The following SPIDR variants were observed in gnomAD, a reference collection of about 807,000 sequenced individuals.
SPIDR encodes scaffold protein involved in DNA repair.
SPIDR carries 93 observed loss-of-function variants against 104.6 expected under a neutral mutation model. That is an observed-to-expected ratio of 0.89 (90% CI 0.75 to 1.06). SPIDR has a LOEUF of 1.06. SPIDR is among the 50% of genes least tolerant of loss of function. The probability of loss-of-function intolerance (pLI) is 0.00; values close to 1 mark genes in which losing one functional copy is unlikely to be tolerated. For missense variants in SPIDR, 1,154 were observed against 1,111.2 expected (o/e 1.04, Z -0.55); for synonymous variants, 431 against 416.9 (o/e 1.03, Z -0.41).
At chr8:47,607,161 G>T (rs1426766343) in intron 10 of SPIDR, among the ~76,000 whole-genome samples, 1 of 152,144 alleles carries the variant, frequency 6.6e-6, no homozygotes, top group African/African-American at 2.4e-5. Flanking sequence ...CCTTTTCAAT[G>T]ATTTGAATAT....
At chr8:47,294,090 T>C (rs2040405151) in intron 5 of SPIDR, 60 bp downstream of exon 5, 4 of 1,541,152 alleles carry the variant, frequency 2.6e-6, no homozygotes, top group Non-Finnish European at 1.7e-6. Flanking sequence ...ATCATAGTTG[T>C]CATTTTTTTT....
At position 47,571,656 on chromosome 8, in the gene SPIDR, A is replaced by T. The variant is rs150167845; in HGVS notation, c.1098-24155A>T. 4.5e-4 allele frequency among the ~76,000 whole-genome samples: 69 copies of T among 152,324 alleles called. 1 individual carries two copies. In the East Asian group the frequency reaches 9.0e-3, roughly 20 times the overall value. ...ACTAGTGCCGCCTTATTCAAGGAGG[A>T]TATATTCCAATACCTCCAGTGGATA... On this transcript the variant is annotated intron_variant, in intron 8 of 19. Transcript: ENST00000297423.
In SPIDR at chr8:47,567,932, G is replaced by A. The variant is rs764845557; in HGVS notation, c.1098-27879G>A. Among the ~76,000 whole-genome samples the A allele has an allele frequency of 8.1e-4, 123 of 151,666 alleles. 1 individual carries two copies. The highest frequency in any genetic ancestry group is 3.5e-4 in the Non-Finnish European group (24 of 67,914). The stretch of plus-strand genomic sequence containing the variant: ...CCCAAGTAGCTGGGACCATAGGCAT[G>A]TGCCACCACACCTAGAAATGTTTAA... On this transcript the variant is annotated intron_variant, in intron 8 of 19. Transcript: ENST00000297423.
At chr8:47,360,776 T>C in intron 5 of SPIDR, 3 of 950,472 alleles carry the variant, frequency 3.2e-6, no homozygotes, top group Non-Finnish European at 3.8e-6. Context: ...AGTGAAAAAG[T>C]CTGTGGGGCA....
intron 14 of SPIDR, among the ~76,000 whole-genome samples, chr8:47,706,581 C>G (rs1480837220): frequency 2.0e-5 from 3 of 152,180 alleles, no homozygotes; most frequent in Non-Finnish European, 4.4e-5. Flanking sequence ...TGTGCCATCA[C>G]CAACGATTCC....
intron 5 of SPIDR, among the ~76,000 whole-genome samples, chr8:47,331,443 G>A (rs1343296749): frequency 6.6e-6 from 1 of 152,114 alleles, no homozygotes; most frequent in Non-Finnish European, 1.5e-5. Flanking sequence ...GGATACTGTA[G>A]ACAATTGGAA....
chr8:47,465,596 G>C (rs371003115), intron 8 of SPIDR, among the ~76,000 whole-genome samples: 2 of 152,146 alleles, frequency 1.3e-5, no homozygotes, highest in Admixed American at 1.3e-4. Flanking sequence ...TTAGCTGGGC[G>C]TGGTGACATA....
At chr8:47,476,011 T>G (rs1482954338) in intron 8 of SPIDR, among the ~76,000 whole-genome samples, 1 of 152,244 alleles carries the variant, frequency 6.6e-6, no homozygotes, top group African/African-American at 2.4e-5. Context: ...TTTGAGGTTT[T>G]TCTTACAGAA....
chr8:47,269,579 A>AG (rs1159490102), intron 1 of SPIDR, among the ~76,000 whole-genome samples: 2 of 151,954 alleles, frequency 1.3e-5, no homozygotes, highest in Admixed American at 6.6e-5. Context: ...AAAAAAAAAA[A>AG]AAAAAAGAAA....
intron 7 of SPIDR, among the ~76,000 whole-genome samples, chr8:47,423,830 G>T (rs2065976268): frequency 1.3e-5 from 2 of 152,028 alleles, no homozygotes; most frequent in South Asian, 4.1e-4. Context: ...TAGAGGCAAG[G>T]GGAAAATACG....
chr8:47,307,167 G>C (rs2043223063), intron 5 of SPIDR, among the ~76,000 whole-genome samples: 1 of 150,188 alleles, frequency 6.7e-6, no homozygotes, highest in South Asian at 2.1e-4. Context: ...CTGCATTACT[G>C]TCTTCTTTTG....
At chr8:47,558,202 A>G (rs943269732) in intron 8 of SPIDR, among the ~76,000 whole-genome samples, 16 of 152,266 alleles carry the variant, frequency 1.1e-4, no homozygotes, top group African/African-American at 3.6e-4. Flanking sequence ...ACTTGGTACT[A>G]TGTTCACTGT....
At chr8:47,419,726 G>T (rs1554678369) in intron 7 of SPIDR, among the ~76,000 whole-genome samples, 1 of 151,948 alleles carries the variant, frequency 6.6e-6, no homozygotes, top group African/African-American at 2.4e-5. Flanking sequence ...GTTAATTTTA[G>T]ATCTTTCCTG....
intron 5 of SPIDR, among the ~76,000 whole-genome samples, chr8:47,345,835 GTTAC>G (rs573651343): frequency 8.5e-5 from 13 of 152,182 alleles, no homozygotes; most frequent in South Asian, 2.1e-4. Flanking sequence ...CTTTGCTGAA[GTTAC>G]TTACCAGTTT....
intron 1 of SPIDR, among the ~76,000 whole-genome samples, chr8:47,270,316 C>T (rs1254042803): frequency 3.9e-5 from 6 of 152,158 alleles, no homozygotes; most frequent in Non-Finnish European, 4.4e-5. Context: ...TTGTTTGTTA[C>T]AGCTCTCTGA....
At chr8:47,485,781 G>A (rs922721761) in intron 8 of SPIDR, among the ~76,000 whole-genome samples, 3 of 152,220 alleles carry the variant, frequency 2.0e-5, no homozygotes, top group Non-Finnish European at 4.4e-5. Context: ...CAACAGACCT[G>A]CAGCAGAGGG....
At chr8:47,415,637 T>C (rs1483709368) in intron 7 of SPIDR, among the ~76,000 whole-genome samples, 1 of 152,154 alleles carries the variant, frequency 6.6e-6, no homozygotes, top group African/African-American at 2.4e-5. Flanking sequence ...GTGAGGAGGA[T>C]ACAGCAAGAA....
chr8:47,294,632 T>TTTTA (rs1443771062), intron 5 of SPIDR, among the ~76,000 whole-genome samples: 3 of 152,060 alleles, frequency 2.0e-5, no homozygotes, highest in Non-Finnish European at 2.9e-5. Flanking sequence ...AGAAATCTAT[T>TTTTA]TTTATTTATT....
At chr8:47,573,034 A>G (rs2058705074) in intron 8 of SPIDR, among the ~76,000 whole-genome samples, 1 of 152,240 alleles carries the variant, frequency 6.6e-6, no homozygotes, top group Admixed American at 6.5e-5. Flanking sequence ...TTGTTAAGTA[A>G]AAACCCATTT....
Sources: gnomAD v4.1 joint callset for allele counts (sites outside exome capture counted in the v4.1 genomes callset) on GRCh38, gnomAD v4.1.1 for gene constraint, MANE v1.5 for transcripts, NCBI Gene and HGNC (gene_info 2026-07-23, HGNC 2026-07-21) for gene names.